The following CAMK1D variants were observed in gnomAD, a reference collection of about 807,000 sequenced individuals.
CAMK1D encodes calcium/calmodulin-dependent protein kinase type 1D.
Under a neutral mutation model 47.7 loss-of-function variants are expected in CAMK1D, and 9 were observed. That is an observed-to-expected ratio of 0.19 (90% confidence interval 0.11 to 0.33). The LOEUF (loss-of-function observed/expected upper bound fraction) is 0.33. Among genes scored for constraint, CAMK1D ranks in the 10% least tolerant of loss-of-function variants. The pLI is 1.00. For synonymous variants in CAMK1D, 184 were observed against 184.9 expected (o/e 0.99, Z 0.04); for missense variants, 291 against 488.7 (o/e 0.60, Z 3.81).
intron 1 of CAMK1D, among the ~76,000 whole-genome samples, chr10:12,543,647 C>G (rs1051305596): frequency 6.6e-6 from 1 of 152,096 alleles, no homozygotes; most frequent in Non-Finnish European, 1.5e-5. Context: ...GTTCACAAAC[C>G]CTTCAATGTC....
intron 5 of CAMK1D, among the ~76,000 whole-genome samples, chr10:12,790,120 G>C (rs1837913655): frequency 6.6e-6 from 1 of 152,244 alleles, no homozygotes; most frequent in Non-Finnish European, 1.5e-5. Context: ...ACAAGGCCAG[G>C]AACAGGGAAT....
At chr10:12,557,813 A>T (rs897568056) in intron 2 of CAMK1D, among the ~76,000 whole-genome samples, 1 of 152,200 alleles carries the variant, frequency 6.6e-6, no homozygotes, top group African/African-American at 2.4e-5. Flanking sequence ...GGGGACTGCT[A>T]AGCCGGCCCA....
intron 1 of CAMK1D, among the ~76,000 whole-genome samples, chr10:12,480,004 T>C (rs1536530): frequency 6.6e-6 from 1 of 152,138 alleles, no homozygotes; most frequent in Non-Finnish European, 1.5e-5. Flanking sequence ...CCCTTCATTG[T>C]TGGGGCCCTG....
chr10:12,631,544 G>A (rs1447101139), intron 2 of CAMK1D, among the ~76,000 whole-genome samples: 2 of 152,234 alleles, frequency 1.3e-5, no homozygotes, highest in Non-Finnish European at 1.5e-5. Flanking sequence ...ACTGGACACA[G>A]CAGTAGGGTA....
Position 12,824,452 on chromosome 10 carries a change from G to T in CAMK1D, c.834-13G>T. The T allele has an allele frequency of 6.2e-7, 1 of 1,612,914 alleles. No individual in the cohort carries two copies. The highest frequency in any genetic ancestry group is 8.5e-7 in the Non-Finnish European group (1 of 1,178,964). On this transcript the variant is annotated splice_polypyrimidine_tract_variant and intron_variant, in intron 8 of 10. Transcript: ENST00000619168. ...AGAAGCACTTCAGAGCAGCACCTTT[G>T]CCTCTGTTTCAGGATCGCTGGTGAC...
chr10:12,563,385 C>A (rs901817812), intron 2 of CAMK1D, among the ~76,000 whole-genome samples: 11 of 152,148 alleles, frequency 7.2e-5, no homozygotes, highest in African/African-American at 2.4e-4. Context: ...CAAATTGATT[C>A]TTCCTCTGCC....
intron 1 of CAMK1D, among the ~76,000 whole-genome samples, chr10:12,452,853 C>G (rs1262579510): frequency 6.6e-6 from 1 of 152,140 alleles, no homozygotes; most frequent in African/African-American, 2.4e-5. Context: ...AGGCATGAGC[C>G]ACCGCGCCTG....
chr10:12,720,923 G>A (rs974919910), intron 3 of CAMK1D, among the ~76,000 whole-genome samples: 5 of 152,130 alleles, frequency 3.3e-5, no homozygotes, highest in African/African-American at 4.8e-5. Context: ...AAAAGTGAAC[G>A]ACAGGGCACC....
At chr10:12,435,994 A>C (rs1465054591) in intron 1 of CAMK1D, among the ~76,000 whole-genome samples, 1 of 152,130 alleles carries the variant, frequency 6.6e-6, no homozygotes, top group African/African-American at 2.4e-5. Flanking sequence ...GACAGTCGGG[A>C]ATGAGTCTTA....
chr10:12,766,290 C>CCG (rs1564545829), intron 4 of CAMK1D, among the ~76,000 whole-genome samples: 1 of 143,368 alleles, frequency 7.0e-6, no homozygotes, highest in Non-Finnish European at 1.5e-5. Flanking sequence ...GCCCCGTGCC[C>CCG]TGCCATCCCC....
At position 12,553,957 on chromosome 10, in the gene CAMK1D, C is replaced by T. The variant is rs183957488; in HGVS notation, c.224+601C>T. Among the ~76,000 whole-genome samples the T allele has an allele frequency of 1.1e-3, 171 of 152,322 alleles. 1 individual carries two copies. Among genetic ancestry groups the T allele is most frequent in the African/African-American group, 4.0e-3 (166 of 41,564 alleles). On this transcript the variant is annotated intron_variant, in intron 2 of 10. Coordinates refer to ENST00000619168, the MANE Select transcript of CAMK1D (RefSeq NM_153498.4). ...CGGCCAGTGTTACTTCCACACGTTC[C>T]GATGGTTTCTCCCATTCTCTGCCAC...
chr10:12,484,215 C>T (rs978195305), intron 1 of CAMK1D, among the ~76,000 whole-genome samples: 9 of 152,206 alleles, frequency 5.9e-5, no homozygotes, highest in Admixed American at 6.5e-5. Context: ...AGCCTCCTCC[C>T]TGCTTTCAGC....
chr10:12,421,929 G>A (rs778791057), intron 1 of CAMK1D, among the ~76,000 whole-genome samples: 4 of 151,900 alleles, frequency 2.6e-5, no homozygotes, highest in Admixed American at 6.6e-5. Context: ...CGATTATCCC[G>A]CCTCAGCCTC....
chr10:12,789,197 CATT>C (rs1356940932), intron 5 of CAMK1D, among the ~76,000 whole-genome samples: 2 of 152,094 alleles, frequency 1.3e-5, no homozygotes, highest in East Asian at 3.8e-4. Context: ...TTTCTTAAAA[CATT>C]ATGAGATTTT....
intron 1 of CAMK1D, among the ~76,000 whole-genome samples, chr10:12,542,104 C>G (rs1156733869): frequency 6.6e-6 from 1 of 151,996 alleles, no homozygotes; most frequent in Non-Finnish European, 1.5e-5. Flanking sequence ...GTCTGGAACT[C>G]CTGGTCTTAA....
At chr10:12,489,575 G>A (rs1273951107) in intron 1 of CAMK1D, among the ~76,000 whole-genome samples, 1 of 152,210 alleles carries the variant, frequency 6.6e-6, no homozygotes, top group African/African-American at 2.4e-5. Flanking sequence ...GGCCTTGGGA[G>A]GAGGGAGAAA....
chr10:12,371,748 T>G lies in CAMK1D; in HGVS notation c.92+21838T>G, dbSNP rs187489686. ...CTGTATCTACTAAAAATAGAAAAAT[T>G]AGCTGGGCGTGGTGGTCAAGTGATT... On this transcript the variant is annotated intron_variant, in intron 1 of 10. Coordinates refer to ENST00000619168, the MANE Select transcript of CAMK1D (RefSeq NM_153498.4). 3.3e-3 allele frequency among the ~76,000 whole-genome samples: 497 copies of G among 151,636 alleles called. 1 individual carries two copies. The highest frequency in any genetic ancestry group is 5.4e-3 in the Non-Finnish European group (364 of 67,890).
chr10:12,817,965 A>G (rs1269369346), intron 8 of CAMK1D, among the ~76,000 whole-genome samples: 1 of 152,188 alleles, frequency 6.6e-6, no homozygotes, highest in Admixed American at 6.5e-5. Flanking sequence ...CTGGGATTAC[A>G]GGTGTGAGCC....
At chr10:12,769,274 G>T (rs1836924519) in intron 4 of CAMK1D, among the ~76,000 whole-genome samples, 1 of 152,158 alleles carries the variant, frequency 6.6e-6, no homozygotes, top group East Asian at 1.9e-4. Flanking sequence ...GAGACCCTTG[G>T]ATTCAAGAAA....
Sources: gnomAD v4.1 joint callset for allele counts (sites outside exome capture counted in the v4.1 genomes callset) on GRCh38, gnomAD v4.1.1 for gene constraint, MANE v1.5 for transcripts, NCBI Gene and HGNC (gene_info 2026-07-23, HGNC 2026-07-21) for gene names.